KCND2: variants seen among roughly 807,000 people sequenced by gnomAD.
KCND2 encodes the protein A-type voltage-gated potassium channel KCND2.
Under a neutral mutation model 54.4 loss-of-function variants are expected in KCND2, and 16 were observed. The observed-to-expected ratio is 0.29, with a 90% CI of 0.20 to 0.45. The LOEUF is 0.45. KCND2 is among the 20% of genes least tolerant of loss of function. The probability of loss-of-function intolerance (pLI) is 1.00; values close to 1 mark genes in which losing one functional copy is unlikely to be tolerated. For synonymous variants in KCND2, 317 were observed against 310.7 expected (o/e 1.02, Z -0.21); for missense variants, 486 against 824.2 (o/e 0.59, Z 5.02).
chr7:120,357,464 AATTT>A (rs1800522909), intron 1 of KCND2, among the ~76,000 whole-genome samples: 1 of 152,092 alleles, frequency 6.6e-6, no homozygotes, highest in South Asian at 2.1e-4. Context: ...TAAGAATTTG[AATTT>A]ATTTGTTTAT....
intron 1 of KCND2, among the ~76,000 whole-genome samples, chr7:120,324,225 A>G (rs1360450280): frequency 6.6e-6 from 1 of 150,422 alleles, no homozygotes; most frequent in African/African-American, 2.4e-5. Flanking sequence ...GTAGGTTGCA[A>G]AAATTTTCTC....
chr7:120,411,715 A>T (rs1469049094), intron 1 of KCND2, among the ~76,000 whole-genome samples: 2 of 152,022 alleles, frequency 1.3e-5, no homozygotes, highest in Non-Finnish European at 2.9e-5. Context: ...CAAAACTTTC[A>T]CAGTACATTC....
intron 1 of KCND2, among the ~76,000 whole-genome samples, chr7:120,339,784 G>A (rs1466411089): frequency 6.6e-6 from 1 of 152,086 alleles, no homozygotes; most frequent in Non-Finnish European, 1.5e-5. Context: ...AGGGGATCAG[G>A]TTGCATTTTT....
At chr7:120,593,394 T>C (rs1417185134) in intron 1 of KCND2, among the ~76,000 whole-genome samples, 1 of 152,126 alleles carries the variant, frequency 6.6e-6, no homozygotes, top group African/African-American at 2.4e-5. Context: ...CCAGATGAGG[T>C]CGGTCTACAG....
chr7:120,364,710 G>A (rs1295551362), intron 1 of KCND2, among the ~76,000 whole-genome samples: 1 of 151,954 alleles, frequency 6.6e-6, no homozygotes, highest in African/African-American at 2.4e-5. Flanking sequence ...CTGACCCCAC[G>A]GTATTTTTGC....
At chr7:120,277,991 A>G (rs1323096363) in intron 1 of KCND2, among the ~76,000 whole-genome samples, 1 of 151,982 alleles carries the variant, frequency 6.6e-6, no homozygotes, top group African/African-American at 2.4e-5. Flanking sequence ...CTGAATTTGA[A>G]CATTTTAATT....
intron 1 of KCND2, among the ~76,000 whole-genome samples, chr7:120,359,288 A>T (rs1478025847): frequency 1.3e-5 from 2 of 152,122 alleles, no homozygotes; most frequent in African/African-American, 4.8e-5. Flanking sequence ...AACAAAACTT[A>T]TTCTGTATAT....
intron 1 of KCND2, among the ~76,000 whole-genome samples, chr7:120,680,677 G>A (rs1792128215): frequency 6.6e-6 from 1 of 152,008 alleles, no homozygotes; most frequent in Non-Finnish European, 1.5e-5. Flanking sequence ...TTTCATTACA[G>A]TAAATATTAA....
At chr7:120,360,621 C>T (rs1800579121) in intron 1 of KCND2, among the ~76,000 whole-genome samples, 1 of 152,000 alleles carries the variant, frequency 6.6e-6, no homozygotes, top group Admixed American at 6.6e-5. Flanking sequence ...TTTAATTAAG[C>T]ATCTGATTTA....
intron 1 of KCND2, among the ~76,000 whole-genome samples, chr7:120,578,566 T>C (rs562071687): frequency 3.3e-4 from 50 of 152,180 alleles, no homozygotes; most frequent in Non-Finnish European, 4.9e-4. Flanking sequence ...ATCCTTTGTC[T>C]ACTAAAAATA....
intron 1 of KCND2, among the ~76,000 whole-genome samples, chr7:120,552,239 A>T (rs1792112589): frequency 6.6e-6 from 1 of 152,182 alleles, no homozygotes; most frequent in African/African-American, 2.4e-5. Context: ...TTGGATTAAG[A>T]GAATAACCAT....
intron 1 of KCND2, among the ~76,000 whole-genome samples, chr7:120,491,499 G>A (rs561123165): frequency 3.0e-4 from 46 of 151,992 alleles, no homozygotes; most frequent in Non-Finnish European, 5.7e-4. Flanking sequence ...TTCTTTAGTA[G>A]AACTATATGT....
At chr7:120,679,943 G>A (rs960695724) in intron 1 of KCND2, among the ~76,000 whole-genome samples, 27 of 152,062 alleles carry the variant, frequency 1.8e-4, no homozygotes, top group African/African-American at 6.3e-4. Flanking sequence ...TTTTCATAGC[G>A]TGGTTAGTGA....
intron 1 of KCND2, among the ~76,000 whole-genome samples, chr7:120,523,196 C>A (rs532014051): frequency 6.6e-6 from 1 of 152,146 alleles, no homozygotes; most frequent in Non-Finnish European, 1.5e-5. Context: ...TGTTTAGACA[C>A]TAACTTCATT....
intron 1 of KCND2, among the ~76,000 whole-genome samples, chr7:120,397,341 C>T (rs1360204049): frequency 1.3e-5 from 2 of 152,000 alleles, no homozygotes; most frequent in Admixed American, 6.6e-5. Context: ...AAATTCTCCA[C>T]TTATCTGGTC....
At chr7:120,719,530 C>T (rs1267131385) in intron 1 of KCND2, among the ~76,000 whole-genome samples, 1 of 152,162 alleles carries the variant, frequency 6.6e-6, no homozygotes, top group Non-Finnish European at 1.5e-5. Flanking sequence ...ATTTAAAGCA[C>T]ACATTGTACA....
intron 1 of KCND2, among the ~76,000 whole-genome samples, chr7:120,529,169 G>A (rs1391798522): frequency 6.6e-6 from 1 of 152,136 alleles, no homozygotes; most frequent in African/African-American, 2.4e-5. Context: ...CATGCTTTCT[G>A]TCTCCTTTCT....
chr7:120,679,899 C>A (rs958179375), intron 1 of KCND2, among the ~76,000 whole-genome samples: 13 of 152,030 alleles, frequency 8.6e-5, no homozygotes, highest in Non-Finnish European at 1.6e-4. Flanking sequence ...CCCCTAATAC[C>A]TGCATAGATT....
intron 1 of KCND2, among the ~76,000 whole-genome samples, chr7:120,356,643 G>A (rs1800510609): frequency 6.6e-6 from 1 of 152,058 alleles, no homozygotes; most frequent in Non-Finnish European, 1.5e-5. Context: ...GATAAGTCAA[G>A]AAATAACATA....
Sources: allele counts gnomAD v4.1 joint callset (sites outside exome capture counted in the v4.1 genomes callset), GRCh38; gene constraint gnomAD v4.1.1; transcripts MANE v1.5; gene names NCBI Gene and HGNC (gene_info 2026-07-23, HGNC 2026-07-21).